ELP4: variants seen among roughly 807,000 people sequenced by gnomAD.
ELP4 encodes the protein elongator acetyltransferase complex subunit 4.
Under a neutral mutation model 48.9 loss-of-function variants are expected in ELP4, and 51 were observed. The observed-to-expected ratio is 1.04, with a 90% CI of 0.83 to 1.32. The LOEUF (loss-of-function observed/expected upper bound fraction) is 1.32, where lower values mean the gene tolerates loss of function less well. Ranked by LOEUF, ELP4 falls within the 40% of genes most tolerant of loss-of-function variation. The pLI is 0.00. For missense variants in ELP4, 519 were observed against 514.6 expected (o/e 1.01, Z -0.08); for synonymous variants, 210 against 189.2 (o/e 1.11, Z -0.90).
At chr11:31,620,119 G>T (rs1443820851) in intron 5 of ELP4, among the ~76,000 whole-genome samples, 1 of 151,996 alleles carries the variant, frequency 6.6e-6, no homozygotes, top group African/African-American at 2.4e-5. Context: ...GTGAGGATAT[G>T]TATAGTGGGA....
At chr11:31,636,453 C>G (rs1361164868) in intron 7 of ELP4, among the ~76,000 whole-genome samples, 8 of 151,750 alleles carry the variant, frequency 5.3e-5, no homozygotes, top group African/African-American at 1.9e-4. Flanking sequence ...AATCGGTGTT[C>G]TTACTTTAGT....
intron 9 of ELP4, among the ~76,000 whole-genome samples, chr11:31,737,718 C>T (rs752024730): frequency 6.6e-6 from 1 of 151,848 alleles, no homozygotes; most frequent in South Asian, 2.1e-4. Flanking sequence ...ATGGCCAAAA[C>T]GTATAGGAAA....
chr11:31,620,880 C>T (rs763007988), intron 5 of ELP4, among the ~76,000 whole-genome samples: 9 of 151,812 alleles, frequency 5.9e-5, no homozygotes, highest in Non-Finnish European at 1.2e-4. Context: ...TCTTGGTGCC[C>T]TTAATACATT....
chr11:31,704,474 C>T (rs548994545), intron 9 of ELP4, among the ~76,000 whole-genome samples: 19 of 151,838 alleles, frequency 1.3e-4, no homozygotes, highest in African/African-American at 4.6e-4. Context: ...ATATCACACA[C>T]CAGGGCCTGT....
At chr11:31,699,491 A>G (rs1211794940) in intron 9 of ELP4, among the ~76,000 whole-genome samples, 1 of 152,132 alleles carries the variant, frequency 6.6e-6, no homozygotes, top group Non-Finnish European at 1.5e-5. Flanking sequence ...GCCATAGAAT[A>G]CCAACTATTA....
chr11:31,584,649 G>C (rs1404374517), intron 3 of ELP4, among the ~76,000 whole-genome samples: 14 of 151,824 alleles, frequency 9.2e-5, no homozygotes, highest in Admixed American at 9.2e-4. Context: ...TGCCTCAGCT[G>C]CCCAAGTAGC....
At position 31,701,967 on chromosome 11, in the gene ELP4, G is replaced by T. The variant is rs117441256; in HGVS notation, c.1143+51746G>T. On this transcript the variant is annotated intron_variant, in intron 9 of 9. Transcript: ENST00000640961. ...GAATATCAACTGTTAGCCACAGTAC[G>T]AAGCGAATAATATATTGATGAATTA... 2.6e-4 allele frequency among the ~76,000 whole-genome samples: 40 copies of T among 152,048 alleles called. No individual in the cohort carries two copies. In the East Asian group the frequency reaches 7.7e-3, roughly 29 times the overall value.
intron 9 of ELP4, among the ~76,000 whole-genome samples, chr11:31,736,745 A>G (rs949041619): frequency 5.3e-5 from 8 of 152,250 alleles, no homozygotes; most frequent in Non-Finnish European, 7.3e-5. Context: ...ATCACTGGCC[A>G]TCAGAGAAAT....
intron 3 of ELP4, among the ~76,000 whole-genome samples, chr11:31,564,378 C>CTT (rs869248857): frequency 4.3e-5 from 6 of 138,098 alleles, no homozygotes; most frequent in African/African-American, 1.6e-4. Flanking sequence ...GATTCATTTT[C>CTT]TTTTTTTTTT....
chr11:31,582,899 G>A (rs1007816093), intron 3 of ELP4, among the ~76,000 whole-genome samples: 10 of 151,956 alleles, frequency 6.6e-5, no homozygotes, highest in African/African-American at 2.2e-4. Context: ...TGGGGGCGGG[G>A]TGGGGGACAG....
intron 9 of ELP4, among the ~76,000 whole-genome samples, chr11:31,736,495 G>C (rs1175986722): frequency 6.6e-6 from 1 of 152,090 alleles, no homozygotes; most frequent in Non-Finnish European, 1.5e-5. Context: ...TTAAACTAAA[G>C]AACTTCTGCA....
intron 3 of ELP4, among the ~76,000 whole-genome samples, chr11:31,589,177 G>A (rs1957528648): frequency 6.6e-6 from 1 of 152,192 alleles, no homozygotes; most frequent in South Asian, 2.1e-4. Context: ...ATTGTTCCAG[G>A]AAGTTTCTGT....
chr11:31,595,932 C>T (rs976417109), intron 4 of ELP4, among the ~76,000 whole-genome samples: 1 of 152,054 alleles, frequency 6.6e-6, no homozygotes, highest in Non-Finnish European at 1.5e-5. Flanking sequence ...CTACATTCAA[C>T]TATCTTTTGA....
At chr11:31,599,524 A>ACACACACACAC (rs1957742222) in intron 4 of ELP4, 8 of 17,698 alleles carry the variant, frequency 4.5e-4, no homozygotes, top group African/African-American at 6.4e-4. Context: ...CACACACACA[A>ACACACACACAC]AAAAAAAAAA....
intron 1 of ELP4, among the ~76,000 whole-genome samples, chr11:31,512,796 C>G (rs1348049296): frequency 2.7e-5 from 4 of 146,718 alleles, no homozygotes; most frequent in South Asian, 2.2e-4. Context: ...CCTCCGCCCC[C>G]CCTCCCCCGC....
intron 3 of ELP4, among the ~76,000 whole-genome samples, chr11:31,584,525 G>GTT (rs746325557): frequency 6.6e-6 from 1 of 151,310 alleles, no homozygotes; most frequent in African/African-American, 2.4e-5. Context: ...GTTTTGTTTT[G>GTT]TTGTTGTTGT....
At chr11:31,591,405 C>CA (rs59583555) in intron 3 of ELP4, among the ~76,000 whole-genome samples, 2 of 55,716 alleles carry the variant, frequency 3.6e-5, no homozygotes, top group African/African-American at 1.5e-4. Flanking sequence ...GACTCCATCT[C>CA]AAAAAAAAAA....
chr11:31,786,589 C>T lies in ELP4; in HGVS notation c.*3065C>T. On this transcript the variant is annotated 3_prime_UTR_variant, in exon 10 of 10. Transcript: ENST00000640961. ...GAGGCCCAGAGTAAAAAGAAATAAG[C>T]AAAAGAATATAGACACAATCCTAAG... 4.4e-6 allele frequency: 1 copy of T among 225,534 alleles called. No individual in the cohort carries two copies. Among genetic ancestry groups the T allele is most frequent in the Non-Finnish European group, 8.8e-6 (1 of 113,232 alleles). The allele number at this position is 225,534 out of a possible 1,614,324, so 14.0% of individuals were successfully genotyped here.
chr11:31,700,715 G>T (rs982102855), intron 9 of ELP4, among the ~76,000 whole-genome samples: 20 of 151,998 alleles, frequency 1.3e-4, no homozygotes, highest in Admixed American at 1.3e-3. Flanking sequence ...GTTGATTCAG[G>T]AAAGTGTCAG....
Sources: gnomAD v4.1 joint callset for allele counts (sites outside exome capture counted in the v4.1 genomes callset) on GRCh38, gnomAD v4.1.1 for gene constraint, MANE v1.5 for transcripts, NCBI Gene and HGNC (gene_info 2026-07-23, HGNC 2026-07-21) for gene names.